The following DIP2C variants were observed in gnomAD, a reference collection of about 807,000 sequenced individuals.
The protein encoded by DIP2C is disco-interacting protein 2 homolog C.
A neutral mutation model predicts 192.4 loss-of-function variants in DIP2C; 33 were observed. The observed-to-expected ratio is 0.17, with a 90% CI of 0.13 to 0.23. The LOEUF is 0.23. Ranked by LOEUF, DIP2C falls within the 10% of genes least tolerant of loss-of-function variation. The pLI is 1.00. For synonymous variants in DIP2C, 979 were observed against 864.1 expected (o/e 1.13, Z -2.33); for missense variants, 1,537 against 2,110.1 (o/e 0.73, Z 5.32).
intron 1 of DIP2C, among the ~76,000 whole-genome samples, chr10:545,844 A>T (rs922727875): frequency 6.6e-6 from 1 of 152,216 alleles, no homozygotes; most frequent in Non-Finnish European, 1.5e-5. Flanking sequence ...AAAGTAAAGC[A>T]ACCCCTTACA....
chr10:643,860 T>C (rs1855322370), intron 1 of DIP2C, among the ~76,000 whole-genome samples: 1 of 152,254 alleles, frequency 6.6e-6, no homozygotes, highest in Non-Finnish European at 1.5e-5. Context: ...GGAGTGAAGT[T>C]ACAGAATTGG....
At chr10:657,993 G>C (rs1856494262) in intron 1 of DIP2C, among the ~76,000 whole-genome samples, 1 of 150,384 alleles carries the variant, frequency 6.6e-6, no homozygotes, top group African/African-American at 2.4e-5. Flanking sequence ...CGCTGGACCT[G>C]CCACTGGACC....
chr10:344,553 C>G (rs1958329459), intron 28 of DIP2C, among the ~76,000 whole-genome samples: 1 of 152,232 alleles, frequency 6.6e-6, no homozygotes, highest in Non-Finnish European at 1.5e-5. Context: ...AAGAGAAAAA[C>G]ATTCGCAGTG....
intron 5 of DIP2C, among the ~76,000 whole-genome samples, chr10:420,917 G>A (rs1400561407): frequency 1.3e-5 from 2 of 152,092 alleles, no homozygotes; most frequent in African/African-American, 2.4e-5. Flanking sequence ...TGTTGTGCTT[G>A]GACTCCTTAG....
intron 1 of DIP2C, among the ~76,000 whole-genome samples, chr10:490,806 A>C (rs1233838686): frequency 1.3e-5 from 2 of 152,238 alleles, no homozygotes; most frequent in Non-Finnish European, 2.9e-5. Flanking sequence ...GTAAGAATTA[A>C]AATTTCAGAA....
chr10:430,255 A>C (rs970953650), intron 4 of DIP2C: 4 of 152,220 alleles, frequency 2.6e-5, no homozygotes, highest in African/African-American at 9.6e-5. Flanking sequence ...AGGATCTCAA[A>C]ATGTTGCCGA....
intron 1 of DIP2C, among the ~76,000 whole-genome samples, chr10:550,161 C>G (rs893989169): frequency 2.6e-5 from 4 of 152,078 alleles, no homozygotes; most frequent in Non-Finnish European, 5.9e-5. Context: ...AGGTGCCTGT[C>G]ACCATGCCCA....
At chr10:440,842 G>C (rs139547272) in intron 4 of DIP2C, 29 bp downstream of exon 4, 1 of 1,599,864 alleles carries the variant, frequency 6.3e-7, no homozygotes, top group East Asian at 2.2e-5. Flanking sequence ...GCACATTCAG[G>C]AGGCCGTGTC....
chr10:341,814 G>A (rs989143462), intron 28 of DIP2C, among the ~76,000 whole-genome samples: 9 of 152,168 alleles, frequency 5.9e-5, no homozygotes, highest in African/African-American at 9.7e-5. Context: ...AGGAGTTCCC[G>A]GCTGCAGTGA....
chr10:288,386 A>T lies in DIP2C; in HGVS notation c.4022T>A (p.Leu1341Gln). 6.2e-7 allele frequency: 1 copy of T among 1,614,042 alleles called. No individual in the cohort carries two copies. Among genetic ancestry groups the T allele is most frequent in the South Asian group, 1.1e-5 (1 of 91,040 alleles). ...RLVERGSPHSLPLMESGKILP... is the reference protein window; with the variant it reads ...RLVERGSPHSQPLMESGKILP... ...TACCTTTCCCGATTCCATCAGGGGC[A>T]GACTATGAGGGGATCCTCTTTCCAC... The change falls in exon 33 of 37, where the codon CTG becomes CAG. Residue 1341 changes from leucine (L) to glutamine (Q), a missense_variant. By Grantham distance (113) the Leu-to-Gln change is moderately radical. Coordinates refer to ENST00000280886, the MANE Select transcript of DIP2C (RefSeq NM_014974.3).
chr10:626,011 G>A (rs2131858347), intron 1 of DIP2C, among the ~76,000 whole-genome samples: 1 of 152,250 alleles, frequency 6.6e-6, no homozygotes, highest in East Asian at 1.9e-4. Context: ...TTAATCACTT[G>A]AGTCCTCCCC....
At chr10:649,081 A>G (rs1216062887) in intron 1 of DIP2C, among the ~76,000 whole-genome samples, 1 of 149,872 alleles carries the variant, frequency 6.7e-6, no homozygotes, top group Non-Finnish European at 1.5e-5. Context: ...GAACATAGGG[A>G]AACTGAGTCC....
chr10:589,558 C>T (rs887006938), intron 1 of DIP2C, among the ~76,000 whole-genome samples: 2 of 152,154 alleles, frequency 1.3e-5, no homozygotes, highest in African/African-American at 4.8e-5. Context: ...ATTCCAGCAC[C>T]ATTTGTTGAA....
At chr10:609,337 C>G (rs544175058) in intron 1 of DIP2C, among the ~76,000 whole-genome samples, 1 of 152,280 alleles carries the variant, frequency 6.6e-6, no homozygotes, top group South Asian at 2.1e-4. Flanking sequence ...CTGTCAGAAA[C>G]TTTTTCTCAA....
Position 349,332 on chromosome 10 carries a change from TG to T in DIP2C, c.3107del (p.Pro1036GlnfsTer3). Reference protein sequence around the residue: ...DGDHVALVYPPGIDLIAAFYG... With the variant: ...DGDHVALVYPXGIDLIAAFYG... The stretch of plus-strand genomic sequence containing the variant: ...GGGAAGCCCACCCTGCGCCTGTACC[TG>T]GGGGGTAGACCAAGGCCACGTGGTC... On this transcript the variant is annotated frameshift_variant and splice_region_variant, in exon 25 of 37. Coordinates refer to ENST00000280886, the MANE Select transcript of DIP2C (RefSeq NM_014974.3). LOFTEE classifies it high-confidence loss of function. 4.4e-6 allele frequency: 7 copies of T among 1,605,586 alleles called. No homozygotes were observed. The highest frequency in any genetic ancestry group is 1.1e-5 in the South Asian group (1 of 90,954).
At chr10:568,579 G>A (rs951453210) in intron 1 of DIP2C, among the ~76,000 whole-genome samples, 1 of 151,520 alleles carries the variant, frequency 6.6e-6, no homozygotes, top group Non-Finnish European at 1.5e-5. Flanking sequence ...CATCCTGGCT[G>A]ACACGGTGAA....
chr10:350,265 C>T (rs1589571257), intron 24 of DIP2C, among the ~76,000 whole-genome samples: 2 of 152,130 alleles, frequency 1.3e-5, no homozygotes, highest in Non-Finnish European at 2.9e-5. Context: ...AAAAAATTCT[C>T]TCATAGAGAT....
intron 31 of DIP2C, among the ~76,000 whole-genome samples, chr10:326,701 T>A (rs1957286686): frequency 6.6e-6 from 1 of 152,254 alleles, no homozygotes; most frequent in Non-Finnish European, 1.5e-5. Context: ...TTTCTTCATC[T>A]GTCTAGTATC....
intron 4 of DIP2C, among the ~76,000 whole-genome samples, chr10:435,958 C>CATAT (rs138299343): frequency 6.6e-5 from 10 of 151,538 alleles, no homozygotes; most frequent in South Asian, 2.1e-4. Context: ...TTTGTAGCCT[C>CATAT]ATATATATAT....
Sources: allele counts gnomAD v4.1 joint callset (sites outside exome capture counted in the v4.1 genomes callset), GRCh38; gene constraint gnomAD v4.1.1; transcripts MANE v1.5; gene names NCBI Gene and HGNC (gene_info 2026-07-23, HGNC 2026-07-21).